The following ERG variants were observed in gnomAD, a reference collection of about 807,000 sequenced individuals.
The protein encoded by ERG is ETS transcription factor ERG.
In ERG, 9 loss-of-function variants were observed where a neutral mutation model predicts 55.3. The ratio of observed to expected loss-of-function variants is 0.16; its 90% CI spans 0.10 to 0.28. The LOEUF is 0.28. ERG is among the 10% of genes least tolerant of loss of function. ERG has a pLI of 1.00. For missense variants in ERG, 434 were observed against 631.6 expected, an observed-to-expected ratio of 0.69 and a Z score of 3.35; for synonymous variants, 223 against 237.3, an observed-to-expected ratio of 0.94 and a Z score of 0.55.
intron 1 of ERG, among the ~76,000 whole-genome samples, chr21:38,592,403 C>T (rs2060105913): frequency 6.6e-6 from 1 of 152,128 alleles, no homozygotes; most frequent in Non-Finnish European, 1.5e-5. Context: ...CAGCTGCTCT[C>T]CTAGGCGCTG....
intron 1 of ERG, among the ~76,000 whole-genome samples, chr21:38,609,447 AG>A (rs998691878): frequency 1.3e-5 from 2 of 152,194 alleles, no homozygotes; most frequent in African/African-American, 4.8e-5. Context: ...AAAAAAACAA[AG>A]GTATCTCAAA....
intron 1 of ERG, among the ~76,000 whole-genome samples, chr21:38,486,846 G>C (rs181334588): frequency 3.9e-5 from 6 of 152,164 alleles, no homozygotes; most frequent in Admixed American, 3.9e-4. Flanking sequence ...AGCATGCCTG[G>C]TCTGCAATTT....
rs1192451071 is a variant in ERG, at chr21:38,528,470, C to T, written c.-41+47192G>A. Among the ~76,000 whole-genome samples, 16 of 3,666 alleles carry T rather than the reference C, an allele frequency of 4.4e-3. 2 individuals are homozygous for T. Among genetic ancestry groups the T allele is most frequent in the East Asian group, 0.039 (13 of 330 alleles). 2.4% of individuals were successfully genotyped at this position (3,666 alleles called of 152,430 possible). ...TTTTTTTTTTTTTTTTTTTTTGAGA[C>T]GGAGTCTCGCTCTGTCGCCCAGGCT... is the stretch of plus-strand genomic sequence containing the variant. On this transcript the variant is annotated intron_variant, in intron 2 of 8. Coordinates refer to the ERG transcript ENST00000398897.
At chr21:38,585,816 C>T (rs1339329822), upstream of ERG, among the ~76,000 whole-genome samples, 5 of 151,814 alleles carry the variant, frequency 3.3e-5, no homozygotes, top group Non-Finnish European at 7.4e-5. Context: ...CTGAAGTCTT[C>T]GAAACCTATG....
intron 1 of ERG, among the ~76,000 whole-genome samples, chr21:38,446,768 C>G (rs1249423783): frequency 2.0e-5 from 3 of 152,112 alleles, no homozygotes; most frequent in Non-Finnish European, 2.9e-5. Flanking sequence ...CCAGTCCAAA[C>G]TTGTCATCTC....
intron 2 of ERG, among the ~76,000 whole-genome samples, chr21:38,515,036 G>A (rs1300243990): frequency 1.3e-5 from 2 of 151,772 alleles, no homozygotes; most frequent in Non-Finnish European, 1.5e-5. Flanking sequence ...AACATAATAC[G>A]TGCAGAACCT....
chr21:38,581,784 C>T (rs956405187), intron 1 of ERG, among the ~76,000 whole-genome samples: 22 of 152,178 alleles, frequency 1.4e-4, no homozygotes, highest in Non-Finnish European at 4.4e-5. Context: ...TGGCTCACGC[C>T]TGTAATCCCA....
chr21:38,537,203 T>A (rs879431054), intron 2 of ERG, among the ~76,000 whole-genome samples: 1 of 152,128 alleles, frequency 6.6e-6, no homozygotes, highest in East Asian at 1.9e-4. Context: ...AAAATTCTTA[T>A]GAGAAAACTC....
chr21:38,503,512 C>G (rs930741466), intron 2 of ERG, among the ~76,000 whole-genome samples: 2 of 151,242 alleles, frequency 1.3e-5, no homozygotes, highest in Non-Finnish European at 2.9e-5. Context: ...GCCAGGATTA[C>G]AGGGCTCTAT....
intron 1 of ERG, among the ~76,000 whole-genome samples, chr21:38,472,795 T>A (rs1196948172): frequency 2.0e-5 from 3 of 152,276 alleles, no homozygotes; most frequent in Non-Finnish European, 4.4e-5. Flanking sequence ...AGAAAATGGC[T>A]GCACGTGGGC....
chr21:38,622,994 CCACA>C (rs2060302738), intron 1 of ERG, among the ~76,000 whole-genome samples: 1 of 134,708 alleles, frequency 7.4e-6, no homozygotes, highest in South Asian at 2.5e-4. Context: ...TACATACACA[CCACA>C]CACACACAAA....
At position 38,429,735 on chromosome 21, in the gene ERG, G is replaced by GTA. The variant is rs141931058; in HGVS notation, c.237-6176_237-6175dup. 1.1e-3 allele frequency among the ~76,000 whole-genome samples: 68 copies of GTA among 60,906 alleles called. 8 individuals are homozygous for GTA. Among genetic ancestry groups the GTA allele is most frequent in the African/African-American group, 1.6e-3 (29 of 18,358 alleles). The allele number at this position is 60,906 out of a possible 152,430, so 40.0% of individuals were successfully genotyped here. On this transcript the variant is annotated intron_variant, in intron 2 of 9. Coordinates refer to ENST00000288319, the MANE Select transcript of ERG (RefSeq NM_182918.4). ...TGCATATATGTCTATATATATGTGT[G>GTA]TATATATATATACACACACACACAC...
At chr21:38,538,175 T>C (rs1246233848) in intron 2 of ERG, among the ~76,000 whole-genome samples, 1 of 151,860 alleles carries the variant, frequency 6.6e-6, no homozygotes, top group African/African-American at 2.4e-5. Flanking sequence ...GAGAGAAGGG[T>C]AGAATGGAAA....
chr21:38,652,345 G>A (rs891707320), intron 1 of ERG, among the ~76,000 whole-genome samples: 4 of 152,190 alleles, frequency 2.6e-5, no homozygotes, highest in African/African-American at 4.8e-5. Flanking sequence ...ATGGAATGGT[G>A]TAGATTGCTT....
chr21:38,425,590 G>C (rs1202376789), intron 2 of ERG, among the ~76,000 whole-genome samples: 1 of 152,164 alleles, frequency 6.6e-6, no homozygotes. Context: ...TTCCAGAAAT[G>C]CCTCTCAGGC....
intron 2 of ERG, among the ~76,000 whole-genome samples, chr21:38,552,653 T>C (rs1020650316): frequency 3.3e-5 from 5 of 152,114 alleles, no homozygotes; most frequent in African/African-American, 1.2e-4. Flanking sequence ...TTTAAAACAC[T>C]GACAAACTAG....
chr21:38,511,450 C>T (rs1034685836), intron 2 of ERG, among the ~76,000 whole-genome samples: 1 of 152,158 alleles, frequency 6.6e-6, no homozygotes, highest in African/African-American at 2.4e-5. Context: ...CTTCCTATTC[C>T]TACACTGAAA....
chr21:38,510,068 G>C (rs1020621313), intron 2 of ERG, among the ~76,000 whole-genome samples: 8 of 152,198 alleles, frequency 5.3e-5, no homozygotes, highest in African/African-American at 1.9e-4. Context: ...GTGTGTCTCC[G>C]TTTCTGGGAA....
chr21:38,538,692 A>G (rs1412376920), intron 2 of ERG, among the ~76,000 whole-genome samples: 1 of 152,136 alleles, frequency 6.6e-6, no homozygotes, highest in Non-Finnish European at 1.5e-5. Flanking sequence ...GCTTTCAACT[A>G]TATGGCCAAA....
Sources: allele counts gnomAD v4.1 joint callset (sites outside exome capture counted in the v4.1 genomes callset), GRCh38; gene constraint gnomAD v4.1.1; transcripts MANE v1.5; gene names NCBI Gene and HGNC (gene_info 2026-07-23, HGNC 2026-07-21).